Variants in CFAP77 observed in about 807,000 individuals in gnomAD.
The protein encoded by CFAP77 is cilia- and flagella-associated protein 77.
Under a neutral mutation model 31.1 loss-of-function variants are expected in CFAP77, and 25 were observed. The observed-to-expected ratio is 0.80, with a 90% CI of 0.59 to 1.12. The LOEUF is 1.12. Among genes scored for constraint, CFAP77 ranks in the 50% most tolerant of loss-of-function variants. The probability of loss-of-function intolerance (pLI) is 0.00; values close to 1 mark genes in which losing one functional copy is unlikely to be tolerated. For missense variants in CFAP77, 377 were observed against 397.3 expected (o/e 0.95, Z 0.44); for synonymous variants, 151 against 159.9 (o/e 0.94, Z 0.42).
intron 1 of CFAP77, among the ~76,000 whole-genome samples, chr9:132,460,684 CTAGA>C (rs1851032469): frequency 6.6e-6 from 1 of 152,034 alleles, no homozygotes; most frequent in Non-Finnish European, 1.5e-5. Context: ...AGTGTTGGCA[CTAGA>C]TAGAGGTGAT....
rs1372639922 is a variant in CFAP77, at chr9:132,552,652, C to T, written c.732+9605C>T. On this transcript the variant is annotated intron_variant, in intron 5 of 5. Transcript: ENST00000393216. The surrounding 1 kb of genome is among the most constrained non-coding windows in gnomAD (Gnocchi z 5.5). Reference sequence around the variant, plus strand: ...TTGAGGTTGCTGTGAGCCGAGATCACGCCACTGCACTCCAGCCCAGGTGAC... The same window carrying T: ...TTGAGGTTGCTGTGAGCCGAGATCATGCCACTGCACTCCAGCCCAGGTGAC... Among the ~76,000 whole-genome samples, 4 of 150,538 alleles carry T rather than the reference C, an allele frequency of 2.7e-5. No homozygotes were observed. The highest frequency in any genetic ancestry group is 4.9e-5 in the African/African-American group (2 of 40,704).
At chr9:132,418,649 C>T (rs2131677851) in intron 1 of CFAP77, among the ~76,000 whole-genome samples, 1 of 152,334 alleles carries the variant, frequency 6.6e-6, no homozygotes, top group Non-Finnish European at 1.5e-5. Flanking sequence ...ACTTGTCAAT[C>T]TCTAGCCTCA....
chr9:132,486,042 G>A (rs12236157), intron 1 of CFAP77, among the ~76,000 whole-genome samples: 334 of 21,668 alleles, frequency 0.015, 24 homozygotes, highest in African/African-American at 0.083. Context: ...ATATATATAT[G>A]TATGTATATG....
chr9:132,476,371 A>C (rs182582318), intron 1 of CFAP77, among the ~76,000 whole-genome samples: 18 of 152,222 alleles, frequency 1.2e-4, no homozygotes, highest in Admixed American at 6.5e-4. Context: ...AGCTGTCTTC[A>C]GTCTCTGGGT....
At chr9:132,529,838 GA>G (rs1330868715) in intron 3 of CFAP77, among the ~76,000 whole-genome samples, 1 of 145,010 alleles carries the variant, frequency 6.9e-6, no homozygotes, top group Non-Finnish European at 1.5e-5. Flanking sequence ...AAAAAAAAAA[GA>G]AAAGAAAAGA....
Position 132,565,851 on chromosome 9 carries a change from G to A in CFAP77, c.733-6537G>A, listed in dbSNP as rs1022216488. Among the ~76,000 whole-genome samples the A allele has an allele frequency of 4.6e-5, 7 of 152,110 alleles. No homozygotes were observed. Among genetic ancestry groups the A allele is most frequent in the African/African-American group, 1.7e-4 (7 of 41,430 alleles). ...CCATTCTAACAGGACCAGCTCCTTC[G>A]CCAACCGGGATAAAGCCTCCCGCTC... is the stretch of plus-strand genomic sequence containing the variant. On this transcript the variant is annotated intron_variant, in intron 5 of 5. Transcript: ENST00000393216. The surrounding 1 kb of genome is among the most constrained non-coding windows in gnomAD (Gnocchi z 4.1).
intron 4 of CFAP77, among the ~76,000 whole-genome samples, chr9:132,540,368 A>G (rs553137067): frequency 1.3e-5 from 2 of 152,188 alleles, no homozygotes; most frequent in Non-Finnish European, 2.9e-5. Flanking sequence ...TGGAGCAGGT[A>G]CCAGCTCTGC....
rs966382470 is a variant in CFAP77, at chr9:132,498,967, G to T, written c.295+173G>T. Among the ~76,000 whole-genome samples the T allele has an allele frequency of 6.6e-6, 1 of 152,196 alleles. No homozygotes were observed. The highest frequency in any genetic ancestry group is 2.1e-4 in the South Asian group (1 of 4,830). ...TAAAACCCAGGAAGTGGCCCAGATGGGGAGGGCCAAGCAGGGCCCTGGTGT... is the reference window on the plus strand; with the variant it reads ...TAAAACCCAGGAAGTGGCCCAGATGTGGAGGGCCAAGCAGGGCCCTGGTGT... On this transcript the variant is annotated intron_variant, in intron 2 of 5. Coordinates refer to ENST00000393216, the MANE Select transcript of CFAP77 (RefSeq NM_001282957.2). The surrounding 1 kb of genome is among the most constrained non-coding windows in gnomAD (Gnocchi z 4.2).
rs746755413 is a variant in CFAP77, at chr9:132,499,440, G to A, written c.364G>A (p.Ala122Thr). 12 of 1,614,166 alleles carry A rather than the reference G, an allele frequency of 7.4e-6. No individual in the cohort carries two copies. The highest frequency in any genetic ancestry group is 5.0e-5 in the Admixed American group (3 of 60,030). ...CCACGAGCTGACCCGGAATTATATC[G>A]CAATGAACCGCGGGGCGGTGAAAGC... Reference protein sequence around the residue: ...CPHELTRNYIAMNRGAVKAGL... With the variant: ...CPHELTRNYITMNRGAVKAGL... The change falls in exon 3 of 6, where the codon GCA becomes ACA. Residue 122 changes from alanine (A) to threonine (T), a missense_variant. Transcript: ENST00000393216. This position sits in a 1 kb window ranked among gnomAD's most constrained non-coding sequence, Gnocchi z 5.4.
intron 3 of CFAP77, chr9:132,513,469 C>T: frequency 7.7e-7 from 1 of 1,294,192 alleles, no homozygotes; most frequent in Non-Finnish European, 1.0e-6. Flanking sequence ...GAGGACCCTC[C>T]CGAGGTTGGA....
chr9:132,562,576 C>T (rs1829829219), intron 5 of CFAP77, among the ~76,000 whole-genome samples: 1 of 152,158 alleles, frequency 6.6e-6, no homozygotes, highest in Non-Finnish European at 1.5e-5. Context: ...TCTGATAGAC[C>T]TGGAACAACA....
Position 132,481,162 on chromosome 9 carries a change from G to A in CFAP77, c.196-17533G>A, listed in dbSNP as rs925200343. Among the ~76,000 whole-genome samples the A allele has an allele frequency of 1.4e-4, 21 of 152,140 alleles. No homozygotes were observed. The highest frequency in any genetic ancestry group is 5.1e-4 in the African/African-American group (21 of 41,438). ...GGCCATGGATACGACAGAGCCTGGG[G>A]ACTGTAAGACCCCAAGCTACTGCTG... is the stretch of plus-strand genomic sequence containing the variant. On this transcript the variant is annotated intron_variant, in intron 1 of 5. Transcript: ENST00000393216. This position sits in a 1 kb window ranked among gnomAD's most constrained non-coding sequence, Gnocchi z 5.0.
intron 1 of CFAP77, among the ~76,000 whole-genome samples, chr9:132,463,894 C>T (rs1216537076): frequency 6.6e-6 from 1 of 152,200 alleles, no homozygotes; most frequent in Non-Finnish European, 1.5e-5. Context: ...GCCCTGAACT[C>T]GGCCCAGGAT....
Position 132,432,711 on chromosome 9 carries a change from G to C in CFAP77, c.195+22245G>C, listed in dbSNP as rs902491429. Reference sequence around the variant, plus strand: ...CACACCCAGCTAATTTTCATTTTTTGTTTTGTTTTGTTTTGTTTTTGAGAC... The same window carrying C: ...CACACCCAGCTAATTTTCATTTTTTCTTTTGTTTTGTTTTGTTTTTGAGAC... On this transcript the variant is annotated intron_variant, in intron 1 of 5. Transcript: ENST00000393216. Among the ~76,000 whole-genome samples, 11 of 149,020 alleles carry C rather than the reference G, an allele frequency of 7.4e-5. 1 individual carries two copies. Among genetic ancestry groups the C allele is most frequent in the African/African-American group, 2.7e-4 (11 of 40,382 alleles).
intron 1 of CFAP77, among the ~76,000 whole-genome samples, chr9:132,440,836 C>G (rs963925884): frequency 6.6e-6 from 1 of 152,120 alleles, no homozygotes; most frequent in African/African-American, 2.4e-5. Context: ...GAACCTGGGT[C>G]GGACGCTGCA....
At chr9:132,447,741 GT>G (rs1312740597) in intron 1 of CFAP77, among the ~76,000 whole-genome samples, 1 of 152,162 alleles carries the variant, frequency 6.6e-6, no homozygotes. Context: ...TGAAAGAGTG[GT>G]TTTCTAGAAT....
At position 132,481,587 on chromosome 9, in the gene CFAP77, C is replaced by T. The variant is rs1471267587; in HGVS notation, c.196-17108C>T. On this transcript the variant is annotated intron_variant, in intron 1 of 5. Coordinates refer to ENST00000393216, the MANE Select transcript of CFAP77 (RefSeq NM_001282957.2). This position sits in a 1 kb window ranked among gnomAD's most constrained non-coding sequence, Gnocchi z 5.0. ...TGCTGAGGCCTCTGCATCATCTGCC[C>T]TAGGAAATGTCAACCCAGAACCAAT... is the stretch of plus-strand genomic sequence containing the variant. Among the ~76,000 whole-genome samples the T allele has an allele frequency of 6.6e-6, 1 of 152,122 alleles. No individual in the cohort carries two copies. Among genetic ancestry groups the T allele is most frequent in the Non-Finnish European group, 1.5e-5 (1 of 68,022 alleles).
intron 5 of CFAP77, among the ~76,000 whole-genome samples, chr9:132,555,904 C>T (rs1202739746): frequency 2.0e-5 from 3 of 152,104 alleles, no homozygotes; most frequent in East Asian, 1.9e-4. Context: ...CAAGCACCCA[C>T]GGCGTACACG....
At chr9:132,515,466 G>A (rs1852129552) in intron 3 of CFAP77, among the ~76,000 whole-genome samples, 1 of 152,178 alleles carries the variant, frequency 6.6e-6, no homozygotes. Context: ...TTAGTATAAA[G>A]ATGAATATAA....
Sources: allele counts gnomAD v4.1 joint callset (sites outside exome capture counted in the v4.1 genomes callset), GRCh38; gene constraint gnomAD v4.1.1; non-coding constraint Gnocchi (gnomAD v3.1); transcripts MANE v1.5; gene names NCBI Gene and HGNC (gene_info 2026-07-23, HGNC 2026-07-21).